Variants in PTCHD4 observed in about 807,000 individuals in gnomAD.
PTCHD4 encodes the protein patched domain-containing protein 4.
PTCHD4 carries 33 observed loss-of-function variants against 58.1 expected under a neutral mutation model. The observed-to-expected ratio is 0.57, with a 90% confidence interval of 0.43 to 0.76. PTCHD4 has a LOEUF of 0.76. Among genes scored for constraint, PTCHD4 ranks in the 30% least tolerant of loss-of-function variants. The probability of loss-of-function intolerance (pLI) is 0.00; values close to 1 mark genes in which losing one functional copy is unlikely to be tolerated. For missense variants in PTCHD4, 1,058 were observed against 1,027.1 expected, an observed-to-expected ratio of 1.03 and a Z score of -0.41; for synonymous variants, 478 against 409.6, an observed-to-expected ratio of 1.17 and a Z score of -2.02.
At chr6:47,946,012 T>C (rs1425932340) in intron 4 of PTCHD4, among the ~76,000 whole-genome samples, 1 of 151,974 alleles carries the variant, frequency 6.6e-6, no homozygotes, top group Non-Finnish European at 1.5e-5. Context: ...TACTTTTAAT[T>C]ACAAACAAAT....
chr6:47,969,943 T>C (rs182557741), intron 4 of PTCHD4, among the ~76,000 whole-genome samples: 2 of 151,950 alleles, frequency 1.3e-5, no homozygotes, highest in African/African-American at 4.8e-5. Flanking sequence ...ATAACCAAAG[T>C]AAATAAAGGG....
chr6:48,100,844 T>A (rs1397190276), intron 1 of PTCHD4, among the ~76,000 whole-genome samples: 2 of 152,204 alleles, frequency 1.3e-5, no homozygotes, highest in Non-Finnish European at 1.5e-5. Context: ...GGATAGAGAA[T>A]CCTGACCAAA....
intron 3 of PTCHD4, among the ~76,000 whole-genome samples, chr6:48,032,535 G>A (rs902137863): frequency 3.9e-5 from 6 of 151,920 alleles, no homozygotes; most frequent in Admixed American, 1.3e-4. Context: ...AGACAGAAGC[G>A]AAATTAAGTA....
chr6:47,914,718 CTGTCTATCTATCTAT>C (rs1164925320), intron 4 of PTCHD4, among the ~76,000 whole-genome samples: 1 of 93,354 alleles, frequency 1.1e-5, no homozygotes, highest in Non-Finnish European at 2.5e-5. Flanking sequence ...GTCTCTCTGT[CTGTCTATCTATCTAT>C]TATCTATCTA....
intron 3 of PTCHD4, among the ~76,000 whole-genome samples, chr6:48,052,667 G>C (rs953807511): frequency 2.6e-5 from 4 of 152,018 alleles, no homozygotes; most frequent in Non-Finnish European, 5.9e-5. Context: ...CAAAATATAA[G>C]GCAGATACGG....
At chr6:48,005,138 C>T (rs1483698729) in intron 4 of PTCHD4, among the ~76,000 whole-genome samples, 1 of 150,046 alleles carries the variant, frequency 6.7e-6, no homozygotes, top group Non-Finnish European at 1.5e-5. Context: ...TCTGAAATGA[C>T]TTTGAGAATA....
chr6:47,866,799 T>G lies in PTCHD4; in HGVS notation c.*11504A>C, dbSNP rs11758704. 0.67 allele frequency among the ~76,000 whole-genome samples: 101,093 copies of G among 151,692 alleles called. 34,181 individuals are homozygous for G. Among genetic ancestry groups the G allele is most frequent in the East Asian group, 0.78 (4,001 of 5,118 alleles). On this transcript the variant is annotated 3_prime_UTR_variant, in exon 5 of 5. Transcript: ENST00000339488. The stretch of plus-strand genomic sequence containing the variant: ...TTTATGCTTAAAAACTAAGTGCATA[T>G]GTACCTTATGTGATCTTCAAAGAAA...
intron 1 of PTCHD4, among the ~76,000 whole-genome samples, chr6:48,100,780 A>G (rs1765588250): frequency 6.6e-6 from 1 of 152,206 alleles, no homozygotes; most frequent in African/African-American, 2.4e-5. Flanking sequence ...GCCTTCACAT[A>G]AACACATATA....
At chr6:48,047,396 C>A (rs1764073622) in intron 3 of PTCHD4, among the ~76,000 whole-genome samples, 1 of 151,716 alleles carries the variant, frequency 6.6e-6, no homozygotes, top group African/African-American at 2.4e-5. Flanking sequence ...CTCAGTGGAC[C>A]TAAATGCAAA....
chr6:48,060,219 C>T (rs1464580441), intron 3 of PTCHD4, among the ~76,000 whole-genome samples: 2 of 152,158 alleles, frequency 1.3e-5, no homozygotes, highest in Non-Finnish European at 2.9e-5. Context: ...TCTGTCTTAC[C>T]CACATTAGTA....
chr6:48,045,602 C>T (rs1211491919), intron 3 of PTCHD4, among the ~76,000 whole-genome samples: 2 of 151,880 alleles, frequency 1.3e-5, no homozygotes, highest in East Asian at 1.9e-4. Flanking sequence ...CACTGAAAAG[C>T]ATGTCTCATT....
chr6:48,059,366 C>T (rs980386882), intron 3 of PTCHD4, among the ~76,000 whole-genome samples: 1 of 152,060 alleles, frequency 6.6e-6, no homozygotes, highest in Non-Finnish European at 1.5e-5. Flanking sequence ...ATGGGCAGGG[C>T]GGGGTGGTTC....
intron 4 of PTCHD4, among the ~76,000 whole-genome samples, chr6:47,969,724 G>A (rs1767431438): frequency 6.6e-6 from 1 of 151,904 alleles, no homozygotes; most frequent in Admixed American, 6.6e-5. Flanking sequence ...ACCTCAAGCT[G>A]GCATAAATAA....
intron 4 of PTCHD4, among the ~76,000 whole-genome samples, chr6:47,997,703 C>A (rs1768553454): frequency 6.6e-6 from 1 of 152,264 alleles, no homozygotes; most frequent in Admixed American, 6.5e-5. Flanking sequence ...AGACATTACT[C>A]AATCATTAAC....
chr6:48,091,079 G>T (rs116828648), intron 1 of PTCHD4, among the ~76,000 whole-genome samples: 1,591 of 152,120 alleles, frequency 0.01, 36 homozygotes, highest in African/African-American at 0.036. Flanking sequence ...CAATAGCAAG[G>T]TAAACCTTGG....
At chr6:47,940,536 A>C (rs945374157) in intron 4 of PTCHD4, among the ~76,000 whole-genome samples, 1 of 152,226 alleles carries the variant, frequency 6.6e-6, no homozygotes, top group African/African-American at 2.4e-5. Context: ...ACCATAAAGC[A>C]TTAGCCTTTC....
intron 4 of PTCHD4, among the ~76,000 whole-genome samples, chr6:47,944,580 A>G (rs1005400395): frequency 2.0e-5 from 3 of 152,128 alleles, no homozygotes; most frequent in Non-Finnish European, 4.4e-5. Context: ...CTACATTAAG[A>G]ATTCTACTAG....
chr6:48,014,950 G>A (rs1762816545), intron 3 of PTCHD4, among the ~76,000 whole-genome samples: 1 of 152,100 alleles, frequency 6.6e-6, no homozygotes. Flanking sequence ...ATGATTAAAA[G>A]TTATTTCACT....
intron 3 of PTCHD4, among the ~76,000 whole-genome samples, chr6:48,013,572 C>T (rs1431606411): frequency 1.2e-4 from 18 of 151,836 alleles, no homozygotes; most frequent in Non-Finnish European, 1.5e-5. Flanking sequence ...GGATCTCATC[C>T]CAGAACTGAG....
Sources: gnomAD v4.1 joint callset for allele counts (sites outside exome capture counted in the v4.1 genomes callset) on GRCh38, gnomAD v4.1.1 for gene constraint, MANE v1.5 for transcripts, NCBI Gene and HGNC (gene_info 2026-07-23, HGNC 2026-07-21) for gene names.